The following TMX3 variants were observed in gnomAD, a reference collection of about 807,000 sequenced individuals.
TMX3 encodes the protein protein disulfide-isomerase TMX3.
A neutral mutation model predicts 64.4 loss-of-function variants in TMX3; 40 were observed. The observed-to-expected ratio is 0.62, with a 90% CI of 0.48 to 0.81. The LOEUF (loss-of-function observed/expected upper bound fraction) is 0.81, where lower values mean the gene tolerates loss of function less well. Among genes scored for constraint, TMX3 ranks in the 30% least tolerant of loss-of-function variants. The pLI is 0.00. For missense variants in TMX3, 497 were observed against 534.5 expected (o/e 0.93, Z 0.69); for synonymous variants, 189 against 175.7 (o/e 1.08, Z -0.60).
chr18:68,677,665 GACTT>G (rs1464616939), intron 15 of TMX3, among the ~76,000 whole-genome samples: 2 of 152,036 alleles, frequency 1.3e-5, no homozygotes, highest in Middle Eastern at 3.2e-3. Flanking sequence ...AAACTTCATT[GACTT>G]ACTAATTTCC....
At chr18:68,703,142 A>G (rs986834744) in intron 4 of TMX3, among the ~76,000 whole-genome samples, 1 of 152,154 alleles carries the variant, frequency 6.6e-6, no homozygotes, top group Admixed American at 6.5e-5. Context: ...CCCAGCAAAA[A>G]CACAGAAACT....
rs1912966156 is a variant in TMX3, at chr18:68,676,859, T to C, written c.*74A>G. 1.3e-6 allele frequency: 2 copies of C among 1,521,648 alleles called. No homozygotes were observed. The highest frequency in any genetic ancestry group is 1.3e-5 in the South Asian group (1 of 77,748). 94.3% of individuals were successfully genotyped at this position (1,521,648 alleles called of 1,614,324 possible). On this transcript the variant is annotated 3_prime_UTR_variant, in exon 16 of 16. Transcript: ENST00000299608. Reference sequence around the variant, plus strand: ...ATGTTCTTTTCTGTAAAGATCATGATTAAATGTCTAAATTCAATAAATAGA... The same window carrying C: ...ATGTTCTTTTCTGTAAAGATCATGACTAAATGTCTAAATTCAATAAATAGA...
At chr18:68,687,287 T>G in intron 10 of TMX3, 1 of 985,434 alleles carries the variant, frequency 1.0e-6, no homozygotes, top group Non-Finnish European at 1.2e-6. Flanking sequence ...CAATTTAACT[T>G]ACATTTTTCC....
chr18:68,685,565 C>T (rs899307055), intron 10 of TMX3, among the ~76,000 whole-genome samples: 3 of 152,104 alleles, frequency 2.0e-5, no homozygotes, highest in Non-Finnish European at 4.4e-5. Flanking sequence ...CTCCCATAGA[C>T]CAACAGGATT....
At chr18:68,705,401 C>A (rs2030566057) in intron 4 of TMX3, among the ~76,000 whole-genome samples, 1 of 152,182 alleles carries the variant, frequency 6.6e-6, no homozygotes, top group Non-Finnish European at 1.5e-5. Context: ...CTGAAACAGT[C>A]ACTGACCAAA....
At chr18:68,694,001 C>T (rs1248511997) in intron 8 of TMX3, among the ~76,000 whole-genome samples, 1 of 152,154 alleles carries the variant, frequency 6.6e-6, no homozygotes. Flanking sequence ...TGGAAAGGAG[C>T]TACCTACTCG....
intron 9 of TMX3, chr18:68,688,361 C>A (rs1474079841): frequency 5.9e-5 from 9 of 152,122 alleles, no homozygotes; most frequent in Non-Finnish European, 1.3e-4. Flanking sequence ...CATATAAAAT[C>A]ATAGTACCTT....
At chr18:68,699,732 T>G (rs1461314900) in intron 6 of TMX3, among the ~76,000 whole-genome samples, 1 of 152,134 alleles carries the variant, frequency 6.6e-6, no homozygotes, top group Non-Finnish European at 1.5e-5. Context: ...AGCACCGACT[T>G]TCTTTATATC....
intron 5 of TMX3, 101 bp from the exon 6 acceptor site, chr18:68,700,586 T>C (rs2029947080): frequency 1.9e-6 from 2 of 1,047,298 alleles, no homozygotes; most frequent in South Asian, 2.6e-5. Flanking sequence ...TTACATAAAA[T>C]AGTAAATGCA....
intron 5 of TMX3, chr18:68,700,766 A>C: frequency 1.0e-6 from 1 of 985,258 alleles, no homozygotes; most frequent in Non-Finnish European, 1.2e-6. Context: ...TAATCTACAC[A>C]TTCATGGTCA....
chr18:68,691,444 C>G lies in TMX3; in HGVS notation c.571-83G>C, dbSNP rs1324293213. 2.7e-5 allele frequency: 23 copies of G among 862,032 alleles called. No homozygotes were observed. In the Admixed American group the frequency reaches 7.2e-4, roughly 27 times the overall value. The allele number at this position is 862,032 out of a possible 1,614,324, so 53.4% of individuals were successfully genotyped here. A position where few individuals can be genotyped will look rare whatever the true frequency, so the allele number is the denominator to read the frequency against. On this transcript the variant is annotated intron_variant, in intron 8 of 15. Coordinates refer to ENST00000299608, the MANE Select transcript of TMX3 (RefSeq NM_019022.5). ...TATAATTTCAAAAGTCTTGAGATAC[C>G]AGAAAACTCAAACACACATAAAAAT...
intron 10 of TMX3, chr18:68,687,151 A>G: frequency 1.0e-6 from 1 of 984,840 alleles, no homozygotes; most frequent in Non-Finnish European, 1.2e-6. Flanking sequence ...ACTTACAGTT[A>G]GCTTCTTATT....
intron 12 of TMX3, 50 bp from the exon 13 acceptor site, chr18:68,683,031 GGAGA>G (rs150451307): frequency 1.6e-5 from 24 of 1,508,786 alleles, no homozygotes; most frequent in South Asian, 4.7e-5. Flanking sequence ...GGGGGTGGGG[GGAGA>G]GAGAGAGAGA....
chr18:68,701,705 T>A, intron 5 of TMX3, 40 bp downstream of exon 5: 1 of 1,609,994 alleles, frequency 6.2e-7, no homozygotes, highest in East Asian at 2.2e-5. Context: ...TAGAGTGAAC[T>A]AATAAAAATA....
chr18:68,710,034 A>G lies in TMX3; in HGVS notation c.252T>C (p.Ala84=), dbSNP rs1256078592. The change falls in exon 4 of 16, where the codon GCT becomes GCC. Residue 84 remains alanine (A), a synonymous_variant. Coordinates refer to ENST00000299608, the MANE Select transcript of TMX3 (RefSeq NM_019022.5). The stretch of plus-strand genomic sequence containing the variant: ...GTGAAGGCTTACTAGAATAGGAAGT[A>G]GCATCCATCTTTCCAACCTTAACTG... ...GSPVKVGKMD[A]TSYSSIASEF... 1 of 1,587,856 alleles carries G rather than the reference A, an allele frequency of 6.3e-7. No individual in the cohort carries two copies. Among genetic ancestry groups the G allele is most frequent in the Admixed American group, 1.8e-5 (1 of 54,866 alleles).
At position 68,676,920 on chromosome 18, in the gene TMX3, T is replaced by C. The variant is rs1414930469; in HGVS notation, c.*13A>G. ...ATTTGAAGTCCTAACAAATATTTTA[T>C]AGTCATCAAGTCTCAATCTTTCTTC... On this transcript the variant is annotated 3_prime_UTR_variant, in exon 16 of 16. Coordinates refer to ENST00000299608, the MANE Select transcript of TMX3 (RefSeq NM_019022.5). 1 of 1,602,924 alleles carries C rather than the reference T, an allele frequency of 6.2e-7. No homozygotes were observed. The highest frequency in any genetic ancestry group is 2.2e-5 in the East Asian group (1 of 44,822).
chr18:68,691,227 C>A, intron 9 of TMX3, 68 bp downstream of exon 9: 1 of 1,097,684 alleles, frequency 9.1e-7, no homozygotes, highest in Non-Finnish European at 1.3e-6. Flanking sequence ...ATAATCTTTA[C>A]ACCTAAGTTG....
In TMX3 at chr18:68,675,862, C is replaced by A. The variant is rs1161358649; in HGVS notation, c.*1071G>T. ...ACAATGGAGAAGGTAACTGGCTGAT[C>A]TCTTTTTTTTACACCGGATGTGACT... On this transcript the variant is annotated 3_prime_UTR_variant, in exon 16 of 16. Transcript: ENST00000299608. The A allele has an allele frequency of 1.3e-5, 2 of 152,180 alleles. No individual in the cohort carries two copies. Among genetic ancestry groups the A allele is most frequent in the Non-Finnish European group, 2.9e-5 (2 of 68,020 alleles). 9.4% of individuals were successfully genotyped at this position (152,180 alleles called of 1,614,324 possible). A position where few individuals can be genotyped will look rare whatever the true frequency, so the allele number is the denominator to read the frequency against.
rs756218821 is a variant in TMX3 at position 68,714,906 on chromosome 18, C to G, written c.46+30G>C. On this transcript the variant is annotated intron_variant, in intron 1 of 15. Coordinates refer to ENST00000299608, the MANE Select transcript of TMX3 (RefSeq NM_019022.5). Reference sequence around the variant, plus strand: ...GGCGGGGCCAGGTCCCACGCGCCCGCCAGCGTCCCGACCGCTGAGCCCCCA... The same window carrying G: ...GGCGGGGCCAGGTCCCACGCGCCCGGCAGCGTCCCGACCGCTGAGCCCCCA... 5 of 1,549,800 alleles carry G rather than the reference C, an allele frequency of 3.2e-6. No homozygotes were observed. The South Asian group carries it at 5.9e-5, about 18-fold the overall frequency.
Sources: allele counts gnomAD v4.1 joint callset (sites outside exome capture counted in the v4.1 genomes callset), GRCh38; gene constraint gnomAD v4.1.1; transcripts MANE v1.5; gene names NCBI Gene and HGNC (gene_info 2026-07-23, HGNC 2026-07-21).